The following OTUD4 variants were observed in gnomAD, a reference collection of about 807,000 sequenced individuals.
OTUD4 encodes OTU domain-containing protein 4.
In OTUD4, 24 loss-of-function variants were observed where a neutral mutation model predicts 130.4. That is an observed-to-expected ratio of 0.18 (90% CI 0.13 to 0.26). The LOEUF is 0.26. OTUD4 is among the 10% of genes least tolerant of loss of function. The pLI is 1.00. For missense variants in OTUD4, 1,031 were observed against 1,329.4 expected, an observed-to-expected ratio of 0.78 and a Z score of 3.49; for synonymous variants, 420 against 472.5, an observed-to-expected ratio of 0.89 and a Z score of 1.44.
In OTUD4 at chr4:145,180,327, C is replaced by A. The variant is rs371273542; in HGVS notation, c.-354G>T. Among the ~76,000 whole-genome samples the A allele has an allele frequency of 5.3e-5, 8 of 152,280 alleles. No homozygotes were observed. The highest frequency in any genetic ancestry group is 1.4e-4 in the African/African-American group (6 of 41,582). ...CGGGGGTCGCCGCCCCCACAAGTTTCCTCCTCCGTACCGGTGTGAAGCGAG... is the reference window on the plus strand; with the variant it reads ...CGGGGGTCGCCGCCCCCACAAGTTTACTCCTCCGTACCGGTGTGAAGCGAG... On this transcript the variant is annotated 5_prime_UTR_variant, in exon 1 of 21. Coordinates refer to ENST00000447906, the MANE Select transcript of OTUD4 (RefSeq NM_001366057.1).
rs1750142859 is a variant in OTUD4, at chr4:145,134,456, T to C, written c.*2974A>G. 1.1e-5 allele frequency: 4 copies of C among 368,720 alleles called. No individual in the cohort carries two copies. The highest frequency in any genetic ancestry group is 1.9e-5 in the Non-Finnish European group (4 of 207,512). The allele number at this position is 368,720 out of a possible 1,614,324, so 22.8% of individuals were successfully genotyped here. The stretch of plus-strand genomic sequence containing the variant: ...GGCTGAATGTTTTCTAAACCAGAAA[T>C]GGTTAGAAAGGAACTTTATTGCACC... On this transcript the variant is annotated 3_prime_UTR_variant, in exon 21 of 21. Transcript: ENST00000447906.
At chr4:145,166,441 T>G (rs900400201) in intron 3 of OTUD4, among the ~76,000 whole-genome samples, 1 of 152,090 alleles carries the variant, frequency 6.6e-6, no homozygotes, top group African/African-American at 2.4e-5. Context: ...AAGAAATATT[T>G]CACATCTACA....
intron 3 of OTUD4, among the ~76,000 whole-genome samples, chr4:145,169,121 T>C (rs960885976): frequency 6.6e-6 from 1 of 152,154 alleles, no homozygotes; most frequent in African/African-American, 2.4e-5. Flanking sequence ...GCTTGCCAGG[T>C]CCCAGGGGAT....
At chr4:145,141,754 C>G (rs935716112) in intron 18 of OTUD4, 115 bp from the exon 19 acceptor site, 1 of 895,566 alleles carries the variant, frequency 1.1e-6, no homozygotes, top group African/African-American at 1.7e-5. Context: ...TAAAGTAGTA[C>G]CTTTTAGTAT....
chr4:145,164,120 TTAAA>T, intron 5 of OTUD4, 30 bp downstream of exon 5: 1 of 992,248 alleles, frequency 1.0e-6, no homozygotes, highest in East Asian at 2.6e-5. Flanking sequence ...GTTCTTTTAC[TTAAA>T]TACTTTAGAA....
In OTUD4 at chr4:145,150,502, A is replaced by G. The variant is rs1751016912; in HGVS notation, c.1259+11T>C. ...TGATTTCTATACTTCTCTTACATTCAAGAAGGTTACCTTATGATCTGTGAA... is the reference window on the plus strand; with the variant it reads ...TGATTTCTATACTTCTCTTACATTCGAGAAGGTTACCTTATGATCTGTGAA... On this transcript the variant is annotated intron_variant, in intron 13 of 20. Coordinates refer to ENST00000447906, the MANE Select transcript of OTUD4 (RefSeq NM_001366057.1). The G allele has an allele frequency of 1.3e-6, 2 of 1,570,918 alleles. No homozygotes were observed. The highest frequency in any genetic ancestry group is 2.3e-5 in the East Asian group (1 of 44,012).
rs779778505 is a variant in OTUD4 at position 145,155,704 on chromosome 4, G to A, written c.691-18C>T. The A allele has an allele frequency of 1.3e-6, 2 of 1,492,620 alleles. No individual in the cohort carries two copies. Among genetic ancestry groups the A allele is most frequent in the African/African-American group, 1.4e-5 (1 of 71,808 alleles). The allele number at this position is 1,492,620 out of a possible 1,614,324, so 92.5% of individuals were successfully genotyped here. ...TTCAGCTGCTAAACAAAGTCAGGAA[G>A]TCCAATCAACACATAAGTGCTTTTA... On this transcript the variant is annotated intron_variant, in intron 8 of 20. Coordinates refer to ENST00000447906, the MANE Select transcript of OTUD4 (RefSeq NM_001366057.1).
intron 3 of OTUD4, among the ~76,000 whole-genome samples, chr4:145,167,316 C>CTT (rs774323490): frequency 5.3e-5 from 8 of 152,172 alleles, no homozygotes; most frequent in Non-Finnish European, 8.8e-5. Context: ...CCAGCACAAT[C>CTT]TTTTCCCTCA....
chr4:145,147,343 G>A (rs1453707401), intron 13 of OTUD4, among the ~76,000 whole-genome samples: 1 of 152,040 alleles, frequency 6.6e-6, no homozygotes, highest in East Asian at 1.9e-4. Flanking sequence ...ACAGATGTCA[G>A]CCCTAATGGT....
intron 14 of OTUD4, 93 bp from the exon 15 acceptor site, chr4:145,144,527 T>C: frequency 8.2e-7 from 1 of 1,222,270 alleles, no homozygotes; most frequent in Non-Finnish European, 1.2e-6. Context: ...TTCATACTTC[T>C]AAAATCTTAA....
At chr4:145,161,559 A>G (rs1418931340) in intron 6 of OTUD4, among the ~76,000 whole-genome samples, 1 of 152,224 alleles carries the variant, frequency 6.6e-6, no homozygotes, top group Non-Finnish European at 1.5e-5. Flanking sequence ...GCTCTTCTAC[A>G]GCAGGAATTC....
At chr4:145,177,398 A>T (rs1472202828) in intron 1 of OTUD4, among the ~76,000 whole-genome samples, 1 of 152,286 alleles carries the variant, frequency 6.6e-6, no homozygotes, top group Non-Finnish European at 1.5e-5. Context: ...AAAGTGTGAG[A>T]GTGCTGGTAA....
intron 7 of OTUD4, among the ~76,000 whole-genome samples, chr4:145,157,818 C>T (rs536847222): frequency 2.6e-5 from 4 of 152,024 alleles, no homozygotes; most frequent in African/African-American, 9.7e-5. Context: ...CCTGCTCTAC[C>T]TTCTCTGGTA....
chr4:145,139,382 C>T (rs1750448913), intron 20 of OTUD4, among the ~76,000 whole-genome samples: 2 of 152,116 alleles, frequency 1.3e-5, no homozygotes, highest in African/African-American at 4.8e-5. Flanking sequence ...AGGAGAAAAC[C>T]TAACATTTAA....
intron 8 of OTUD4, 30 bp from the exon 9 acceptor site, chr4:145,155,716 CA>C (rs769672907): frequency 1.4e-6 from 2 of 1,379,656 alleles, no homozygotes; most frequent in Non-Finnish European, 2.0e-6. Context: ...CCAATCAACA[CA>C]TAAGTGCTTT....
In OTUD4 at chr4:145,135,095, A is replaced by G. The variant is rs1413150611; in HGVS notation, c.*2335T>C. ...TTAAAAACAAACTTAAAGGAAAAAA[A>G]GCGAAACCAACCTTCATGCAAAGAT... On this transcript the variant is annotated 3_prime_UTR_variant, in exon 21 of 21. Transcript: ENST00000447906. The G allele has an allele frequency of 1.1e-5, 4 of 368,090 alleles. No homozygotes were observed. The highest frequency in any genetic ancestry group is 9.2e-5 in the Admixed American group (2 of 21,716). 22.8% of individuals were successfully genotyped at this position (368,090 alleles called of 1,614,324 possible).
Position 145,155,480 on chromosome 4 carries a change from TAAA to T in OTUD4, c.809-8_809-6del. On this transcript the variant is annotated splice_polypyrimidine_tract_variant and splice_region_variant and intron_variant, in intron 9 of 20. Coordinates refer to ENST00000447906, the MANE Select transcript of OTUD4 (RefSeq NM_001366057.1). ...AATAATCACGTTTTTGCTGAGCTGT[TAAA>T]AAAAAAAAGGTCAGTATAATATAAA... The T allele has an allele frequency of 7.5e-7, 1 of 1,335,956 alleles. No homozygotes were observed. The highest frequency in any genetic ancestry group is 1.9e-5 in the Admixed American group (1 of 51,416). 82.8% of individuals were successfully genotyped at this position (1,335,956 alleles called of 1,614,324 possible). A position where few individuals can be genotyped will look rare whatever the true frequency, so the allele number is the denominator to read the frequency against.
chr4:145,147,421 C>T (rs1039170835), intron 13 of OTUD4, among the ~76,000 whole-genome samples: 1 of 152,042 alleles, frequency 6.6e-6, no homozygotes, highest in Non-Finnish European at 1.5e-5. Flanking sequence ...TTCCCAAATC[C>T]CAGTGGTAAA....
Position 145,180,372 on chromosome 4 carries a change from C to T in OTUD4, c.-399G>A, listed in dbSNP as rs1230300714. The stretch of plus-strand genomic sequence containing the variant: ...AGCGAGAAAACCCCCGCCCCTGGCG[C>T]GCACGCTGGGCCGGCTCAGGTGAAG... On this transcript the variant is annotated 5_prime_UTR_variant, in exon 1 of 21. Transcript: ENST00000447906. Among the ~76,000 whole-genome samples the T allele has an allele frequency of 6.6e-6, 1 of 152,198 alleles. No individual in the cohort carries two copies. Among genetic ancestry groups the T allele is most frequent in the Non-Finnish European group, 1.5e-5 (1 of 68,032 alleles).
Sources: allele counts gnomAD v4.1 joint callset (sites outside exome capture counted in the v4.1 genomes callset), GRCh38; gene constraint gnomAD v4.1.1; transcripts MANE v1.5; gene names NCBI Gene and HGNC (gene_info 2026-07-23, HGNC 2026-07-21).